JDP2: variants seen among roughly 807,000 people sequenced by gnomAD.
The protein encoded by JDP2 is progesterone receptor co-activator.
Under a neutral mutation model 17.1 loss-of-function variants are expected in JDP2, and 9 were observed. The observed-to-expected ratio is 0.53, with a 90% CI of 0.32 to 0.92. The LOEUF is 0.92. Among genes scored for constraint, JDP2 ranks in the 40% least tolerant of loss-of-function variants. The pLI, the probability that JDP2 is intolerant of heterozygous loss-of-function variation, is 0.04. For missense variants in JDP2, 179 were observed against 220.0 expected, an observed-to-expected ratio of 0.81 and a Z score of 1.18; for synonymous variants, 107 against 95.6, an observed-to-expected ratio of 1.12 and a Z score of -0.69.
At chr14:75,432,734 A>G (rs1383981619) in intron 1 of JDP2, among the ~76,000 whole-genome samples, 5 of 152,202 alleles carry the variant, frequency 3.3e-5, no homozygotes, top group African/African-American at 1.2e-4. Context: ...CTTTGTTTCT[A>G]TGGACAGAAA....
Position 75,468,023 on chromosome 14 carries a change from G to T in JDP2, c.307-1267G>T, listed in dbSNP as rs116671787. ...GGAAGACGGGACCCCTGGAGGGAGAGGGTTGGGCCCACTGAGGGTTCTGGG... is the reference window on the plus strand; with the variant it reads ...GGAAGACGGGACCCCTGGAGGGAGATGGTTGGGCCCACTGAGGGTTCTGGG... On this transcript the variant is annotated intron_variant, in intron 3 of 3. Coordinates refer to ENST00000651602, the MANE Select transcript of JDP2 (RefSeq NM_001135048.2). Among the ~76,000 whole-genome samples, 370 of 152,292 alleles carry T rather than the reference G, an allele frequency of 2.4e-3. 1 individual carries two copies. Among genetic ancestry groups the T allele is most frequent in the African/African-American group, 8.7e-3 (363 of 41,554 alleles).
chr14:75,428,531 C>G lies in JDP2; in HGVS notation c.-24+279C>G. ...GCTCCCTGGACAGCCGGGGTGCTCC[C>G]TCCTTCTCCCTCCCGCGCTCTCCTC... On this transcript the variant is annotated intron_variant, in intron 1 of 3. Coordinates refer to ENST00000651602, the MANE Select transcript of JDP2 (RefSeq NM_001135048.2). The surrounding 1 kb of genome is among the most constrained non-coding windows in gnomAD (Gnocchi z 5.6). 1 of 152,186 alleles carries G rather than the reference C, an allele frequency of 6.6e-6. No individual in the cohort carries two copies. The highest frequency in any genetic ancestry group is 6.5e-5 in the Admixed American group (1 of 15,284). The allele number at this position is 152,186 out of a possible 1,614,324, so 9.4% of individuals were successfully genotyped here.
chr14:75,436,662 A>G (rs755939563), intron 1 of JDP2, among the ~76,000 whole-genome samples: 11 of 152,246 alleles, frequency 7.2e-5, no homozygotes, highest in Non-Finnish European at 1.5e-4. Context: ...ATGGATGGGT[A>G]GGTAGGAGGA....
chr14:75,464,117 TCTC>T (rs1029357743), intron 3 of JDP2, among the ~76,000 whole-genome samples: 5 of 152,314 alleles, frequency 3.3e-5, no homozygotes, highest in South Asian at 2.1e-4. Flanking sequence ...ACCCCTGTGT[TCTC>T]CTCCTCCTCC....
chr14:75,436,596 A>T (rs540696146), intron 1 of JDP2, among the ~76,000 whole-genome samples: 4 of 152,276 alleles, frequency 2.6e-5, no homozygotes, highest in Non-Finnish European at 2.9e-5. Context: ...AAGACTGCAC[A>T]TCTGACCTCC....
chr14:75,444,015 A>G (rs1421719965), intron 2 of JDP2, among the ~76,000 whole-genome samples: 1 of 151,806 alleles, frequency 6.6e-6, no homozygotes, highest in Non-Finnish European at 1.5e-5. Context: ...AAATCCTCTC[A>G]CCTCAGCCTC....
rs571944504 is a variant in JDP2, at chr14:75,444,734, A to G, written c.201+6613A>G. Reference sequence around the variant, plus strand: ...CTTGACTGCAGTGCAGTATGTCCGTAAATTACCTTTGTTAGAGACTGATTC... The same window carrying G: ...CTTGACTGCAGTGCAGTATGTCCGTGAATTACCTTTGTTAGAGACTGATTC... On this transcript the variant is annotated intron_variant, in intron 2 of 3. Coordinates refer to ENST00000651602, the MANE Select transcript of JDP2 (RefSeq NM_001135048.2). Among the ~76,000 whole-genome samples the G allele has an allele frequency of 1.0e-3, 158 of 152,308 alleles. 1 individual carries two copies. Among genetic ancestry groups the G allele is most frequent in the Admixed American group, 2.2e-3 (33 of 15,300 alleles).
rs2140005074 is a variant in JDP2, at chr14:75,469,994, A to G, written c.*519A>G. The G allele has an allele frequency of 6.5e-6, 1 of 152,844 alleles. No individual in the cohort carries two copies. The highest frequency in any genetic ancestry group is 1.9e-4 in the East Asian group (1 of 5,150). The allele number at this position is 152,844 out of a possible 1,614,324, so 9.5% of individuals were successfully genotyped here. A position where few individuals can be genotyped will look rare whatever the true frequency, so the allele number is the denominator to read the frequency against. On this transcript the variant is annotated 3_prime_UTR_variant, in exon 4 of 4. Transcript: ENST00000651602. ...CTGCGGGGCCCTGATGCCCCCACCCACCTCGGTCCAGCGCGGCCCTGCCCA... is the reference window on the plus strand; with the variant it reads ...CTGCGGGGCCCTGATGCCCCCACCCGCCTCGGTCCAGCGCGGCCCTGCCCA...
intron 2 of JDP2, among the ~76,000 whole-genome samples, chr14:75,452,759 T>TC (rs1885921475): frequency 6.6e-6 from 1 of 151,974 alleles, no homozygotes; most frequent in Admixed American, 6.6e-5. Context: ...CATCCAGCCC[T>TC]CCCCCCTCAC....
intron 2 of JDP2, among the ~76,000 whole-genome samples, chr14:75,453,627 A>G (rs537260513): frequency 2.0e-5 from 3 of 152,340 alleles, no homozygotes; most frequent in Non-Finnish European, 2.9e-5. Flanking sequence ...GGCAGGGCTC[A>G]GTACCTTCCT....
chr14:75,454,219 A>G (rs1280255247), intron 2 of JDP2, among the ~76,000 whole-genome samples: 1 of 152,078 alleles, frequency 6.6e-6, no homozygotes, highest in Admixed American at 6.5e-5. Flanking sequence ...CTTCATGTAA[A>G]TTGTGCAATA....
rs1884723816 is a variant in JDP2, at chr14:75,430,006, T to A, written c.-24+1754T>A. Among the ~76,000 whole-genome samples, 1 of 152,196 alleles carries A rather than the reference T, an allele frequency of 6.6e-6. No individual in the cohort carries two copies. The highest frequency in any genetic ancestry group is 2.4e-5 in the African/African-American group (1 of 41,468). On this transcript the variant is annotated intron_variant, in intron 1 of 3. Coordinates refer to ENST00000651602, the MANE Select transcript of JDP2 (RefSeq NM_001135048.2). This position sits in a 1 kb window ranked among gnomAD's most constrained non-coding sequence, Gnocchi z 4.5. ...CTGCAGCCACCTCCAAGGAGATGTG[T>A]TGCAAAGTGGTGACAATGCCCCCTA...
intron 2 of JDP2, among the ~76,000 whole-genome samples, chr14:75,444,184 G>C (rs1259788808): frequency 6.6e-6 from 1 of 152,194 alleles, no homozygotes; most frequent in African/African-American, 2.4e-5. Flanking sequence ...GATTACAGGC[G>C]TGAGCCACCA....
At chr14:75,429,243 C>T (rs1884678241) in intron 1 of JDP2, among the ~76,000 whole-genome samples, 1 of 152,172 alleles carries the variant, frequency 6.6e-6, no homozygotes. Context: ...TGCAAGATGG[C>T]GTGGCCCTTG....
intron 2 of JDP2, 110 bp downstream of exon 2, chr14:75,438,231 A>G (rs1436139519): frequency 2.6e-6 from 2 of 784,134 alleles, no homozygotes; most frequent in Non-Finnish European, 4.0e-6. Context: ...CATCCGTACC[A>G]CCCTGGGGTT....
intron 1 of JDP2, 77 bp from the exon 2 acceptor site, chr14:75,437,821 T>G (rs1885139851): frequency 9.9e-7 from 1 of 1,006,840 alleles, no homozygotes; most frequent in Non-Finnish European, 1.4e-6. Flanking sequence ...GCCACAGTCC[T>G]GGCAAGACGA....
intron 3 of JDP2, among the ~76,000 whole-genome samples, chr14:75,462,076 G>C (rs1314938995): frequency 6.6e-6 from 1 of 152,200 alleles, no homozygotes; most frequent in Admixed American, 6.5e-5. Context: ...GCTACCTCTG[G>C]GAATAAGAGG....
chr14:75,437,816 A>T, intron 1 of JDP2, 82 bp from the exon 2 acceptor site: 1 of 908,990 alleles, frequency 1.1e-6, no homozygotes, highest in Non-Finnish European at 1.6e-6. Flanking sequence ...AAGAAGCCAC[A>T]GTCCTGGCAA....
chr14:75,465,958 G>C (rs963375541), intron 3 of JDP2, among the ~76,000 whole-genome samples: 1 of 152,012 alleles, frequency 6.6e-6, no homozygotes, highest in South Asian at 2.1e-4. Flanking sequence ...AAAGATCTTC[G>C]CTCAGTTCCT....
Sources: allele counts gnomAD v4.1 joint callset (sites outside exome capture counted in the v4.1 genomes callset), GRCh38; gene constraint gnomAD v4.1.1; non-coding constraint Gnocchi (gnomAD v3.1); transcripts MANE v1.5; gene names NCBI Gene and HGNC (gene_info 2026-07-23, HGNC 2026-07-21).